Variants in ABCA10 observed in about 807,000 individuals in gnomAD.
ABCA10 encodes the protein ATP-binding cassette sub-family A member 10.
ABCA10 carries 169 observed loss-of-function variants against 187.5 expected under a neutral mutation model. The observed-to-expected ratio is 0.90, with a 90% CI of 0.80 to 1.02. The LOEUF is 1.02. Among genes scored for constraint, ABCA10 ranks in the 50% least tolerant of loss-of-function variants. The pLI, the probability that ABCA10 is intolerant of heterozygous loss-of-function variation, is 0.00. For missense variants in ABCA10, 1,727 were observed against 1,812.4 expected (o/e 0.95, Z 0.86); for synonymous variants, 574 against 601.8 (o/e 0.95, Z 0.68).
At chr17:69,164,216 T>G (rs1205626848) in intron 26 of ABCA10, 62 bp from the exon 27 acceptor site, 1 of 1,308,820 alleles carries the variant, frequency 7.6e-7, no homozygotes. Context: ...ATTTACACAT[T>G]AAATACACCC....
Position 69,193,349 on chromosome 17 carries a change from C to T in ABCA10, c.1642-101G>A, listed in dbSNP as rs913571999. 4 of 1,526,856 alleles carry T rather than the reference C, an allele frequency of 2.6e-6. No individual in the cohort carries two copies. The African/African-American group carries it at 4.2e-5, about 16-fold the overall frequency. The allele number at this position is 1,526,856 out of a possible 1,614,324, so 94.6% of individuals were successfully genotyped here. On this transcript the variant is annotated intron_variant, in intron 14 of 38. Transcript: ENST00000690296. ...ATGATTTCTAGACTCAAATACAGTCCTCCACCAGATCCCTAACAAGCTTGC... is the reference window on the plus strand; with the variant it reads ...ATGATTTCTAGACTCAAATACAGTCTTCCACCAGATCCCTAACAAGCTTGC...
At chr17:69,160,362 A>T (rs1407051241) in intron 27 of ABCA10, among the ~76,000 whole-genome samples, 1 of 152,226 alleles carries the variant, frequency 6.6e-6, no homozygotes, top group Non-Finnish European at 1.5e-5. Context: ...CAATCCCAGC[A>T]CTTTGGGAGG....
chr17:69,184,263 C>CCTGGTAAACATA (rs2074403626), intron 20 of ABCA10, among the ~76,000 whole-genome samples: 1 of 152,114 alleles, frequency 6.6e-6, no homozygotes, highest in Non-Finnish European at 1.5e-5. Flanking sequence ...CTCCACCCGC[C>CCTGGTAAACATA]CTGGTAAACA....
chr17:69,230,420 C>A (rs560473758), upstream of ABCA10, among the ~76,000 whole-genome samples: 1 of 152,080 alleles, frequency 6.6e-6, no homozygotes, highest in Admixed American at 6.5e-5. Context: ...TGTCTGTGTC[C>A]CTTGGAGAGG....
intron 36 of ABCA10, among the ~76,000 whole-genome samples, chr17:69,151,820 T>C (rs902365809): frequency 6.6e-6 from 1 of 152,188 alleles, no homozygotes; most frequent in African/African-American, 2.4e-5. Context: ...CACACATATA[T>C]GAATGCACAC....
chr17:69,184,152 C>A (rs1031699344), intron 20 of ABCA10, among the ~76,000 whole-genome samples: 3 of 152,138 alleles, frequency 2.0e-5, no homozygotes, highest in Admixed American at 6.5e-5. Context: ...TCCCTGGGAA[C>A]ATAACTCCAT....
At chr17:69,178,725 T>A (rs576201873) in intron 22 of ABCA10, among the ~76,000 whole-genome samples, 1 of 152,320 alleles carries the variant, frequency 6.6e-6, no homozygotes, top group Admixed American at 6.5e-5. Context: ...CTATTCTTAC[T>A]ATAATTGATC....
chr17:69,239,304 T>C (rs2074890189), intron 1 of ABCA10, among the ~76,000 whole-genome samples: 2 of 152,186 alleles, frequency 1.3e-5, no homozygotes, highest in South Asian at 4.1e-4. Flanking sequence ...TTATCCTTCT[T>C]GATAACTATT....
At chr17:69,238,837 C>A (rs765993307) in intron 1 of ABCA10, among the ~76,000 whole-genome samples, 4 of 152,146 alleles carry the variant, frequency 2.6e-5, no homozygotes, top group Non-Finnish European at 4.4e-5. Flanking sequence ...GGACTCATGA[C>A]CTTCTGTTGA....
At chr17:69,189,627 T>C (rs2074445724) in intron 18 of ABCA10, among the ~76,000 whole-genome samples, 1 of 152,164 alleles carries the variant, frequency 6.6e-6, no homozygotes, top group South Asian at 2.1e-4. Context: ...ATTTTGTAGG[T>C]TTTCTTCTCA....
Position 69,150,019 on chromosome 17 carries a change from T to A in ABCA10, c.4442A>T (p.His1481Leu), listed in dbSNP as rs754029639. 1.2e-6 allele frequency: 2 copies of A among 1,612,954 alleles called. No homozygotes were observed. The highest frequency in any genetic ancestry group is 4.5e-5 in the East Asian group (2 of 44,840). Residue 1481 changes from histidine to leucine, a missense_variant, in exon 37 of 39, where the codon CAC (histidine) becomes CTC (leucine). His to Leu is a moderately conservative substitution (Grantham distance 99). Coordinates refer to ENST00000690296, the MANE Select transcript of ABCA10 (RefSeq NM_001377321.1). ...MAYKLPVEDV[H>L]PLSRAFFKLE... The stretch of plus-strand genomic sequence containing the variant: ...CTTGAAAAAGGCCCGAGATAGAGGG[T>A]GGACATCCTCCACAGGTAACTTATA...
chr17:69,226,678 C>T (rs1051944874), intron 2 of ABCA10, among the ~76,000 whole-genome samples: 16 of 152,018 alleles, frequency 1.1e-4, no homozygotes, highest in African/African-American at 3.9e-4. Flanking sequence ...CAGATTTTTA[C>T]TCATAGATAT....
chr17:69,167,219 G>A (rs931532076), intron 25 of ABCA10, among the ~76,000 whole-genome samples: 1 of 152,144 alleles, frequency 6.6e-6, no homozygotes, highest in African/African-American at 2.4e-5. Context: ...AAAGCGGTCT[G>A]CTTGCTCCCA....
In ABCA10 at chr17:69,182,229, C is replaced by T. The variant is rs774310637; in HGVS notation, c.2693G>A (p.Gly898Glu). 1.9e-6 allele frequency: 3 copies of T among 1,598,368 alleles called. No individual in the cohort carries two copies. The highest frequency in any genetic ancestry group is 2.6e-6 in the Non-Finnish European group (3 of 1,171,756). Residue 898 changes from glycine (G) to glutamate (E), a missense_variant, in exon 22 of 39, where the codon GGA (glycine) becomes GAA (glutamate). Gly to Glu is a moderately conservative substitution (Grantham distance 98). Transcript: ENST00000690296. The stretch of plus-strand genomic sequence containing the variant: ...TCCCATAAGGGCATTGCTAACAATT[C>T]CCATAAGAACAGGAAAACAATTCAA... ...KKLNCFPVLM[G>E]IVSNALMGIF...
In ABCA10 at chr17:69,174,289, A is replaced by G. The variant is rs767592848; in HGVS notation, c.3154T>C (p.Phe1052Leu). 1.9e-5 allele frequency: 30 copies of G among 1,592,074 alleles called. No individual in the cohort carries two copies. Among genetic ancestry groups the G allele is most frequent in the Non-Finnish European group, 2.6e-5 (30 of 1,170,404 alleles). Reference sequence around the variant, plus strand: ...CATGTATATATACTTACAATAAAAAAGCCAAAAGACCAAAAGCCATTATTT... The same window carrying G: ...CATGTATATATACTTACAATAAAAAGGCCAAAAGACCAAAAGCCATTATTT... ...RKNNGFWSFGFFIILICVSTI... is the reference protein window; with the variant it reads ...RKNNGFWSFGLFIILICVSTI... The change falls in exon 25 of 39, where the codon TTT becomes CTT. Residue 1052 changes from phenylalanine to leucine, a missense_variant. Physicochemically the swap from Phe to Leu is conservative, Grantham distance 22. Coordinates refer to ENST00000690296, the MANE Select transcript of ABCA10 (RefSeq NM_001377321.1).
chr17:69,188,878 G>A (rs2074440516), intron 18 of ABCA10, among the ~76,000 whole-genome samples: 1 of 151,978 alleles, frequency 6.6e-6, no homozygotes, highest in Non-Finnish European at 1.5e-5. Context: ...CATTCTTTAT[G>A]GTTGCGTGGT....
At chr17:69,221,306 T>C (rs2074745816) in intron 5 of ABCA10, among the ~76,000 whole-genome samples, 1 of 152,034 alleles carries the variant, frequency 6.6e-6, no homozygotes, top group Non-Finnish European at 1.5e-5. Flanking sequence ...TAATATTGAG[T>C]TGAGTTGAGT....
chr17:69,195,603 CAGAG>C (rs1038609694), intron 11 of ABCA10, among the ~76,000 whole-genome samples: 31 of 103,004 alleles, frequency 3.0e-4, no homozygotes, highest in African/African-American at 1.2e-3. Flanking sequence ...GGGTGTTTCT[CAGAG>C]AGGGGGATTT....
Position 69,175,645 on chromosome 17 carries a change from AAACATGTTTTGTT to A in ABCA10, c.2770-145_2770-133del, listed in dbSNP as rs1283782065. ...TGATTTAAGAAGCAAAGAGACAAGC[AAACATGTTTTGTT>A]AACCTTAGTGGCAGGTTCCATTCCC... On this transcript the variant is annotated intron_variant, in intron 22 of 38. Coordinates refer to ENST00000690296, the MANE Select transcript of ABCA10 (RefSeq NM_001377321.1). 3.0e-5 allele frequency: 20 copies of A among 676,982 alleles called. No individual in the cohort carries two copies. In the African/African-American group the frequency reaches 3.5e-4, roughly 12 times the overall value. The allele number at this position is 676,982 out of a possible 1,614,324, so 41.9% of individuals were successfully genotyped here.
Sources: gnomAD v4.1 joint callset for allele counts (sites outside exome capture counted in the v4.1 genomes callset) on GRCh38, gnomAD v4.1.1 for gene constraint, MANE v1.5 for transcripts, NCBI Gene and HGNC (gene_info 2026-07-23, HGNC 2026-07-21) for gene names.